Variants in GOLPH3 observed in about 807,000 individuals in gnomAD.
The protein encoded by GOLPH3 is coat protein GPP34.
In GOLPH3, 14 loss-of-function variants were observed where a neutral mutation model predicts 28.5. That is an observed-to-expected ratio of 0.49 (90% CI 0.32 to 0.77). The LOEUF is 0.77. Ranked by LOEUF, GOLPH3 falls within the 30% of genes least tolerant of loss-of-function variation. GOLPH3 has a pLI of 0.03. For missense variants in GOLPH3, 350 were observed against 393.7 expected (o/e 0.89, Z 0.94); for synonymous variants, 158 against 159.2 (o/e 0.99, Z 0.06).
At position 32,132,213 on chromosome 5, in the gene GOLPH3, A is replaced by G. The variant is rs1033542268; in HGVS notation, c.472+3359T>C. ...CTCGACTTGCCTCAAACTTATGTAT[A>G]CTAATTTTAAATTATTAGAAAATGT... On this transcript the variant is annotated intron_variant, in intron 3 of 3. Transcript: ENST00000265070. Among the ~76,000 whole-genome samples, 5 of 152,208 alleles carry G rather than the reference A, an allele frequency of 3.3e-5. No individual in the cohort carries two copies. The East Asian group carries it at 7.7e-4, about 23-fold the overall frequency.
intron 1 of GOLPH3, among the ~76,000 whole-genome samples, chr5:32,170,655 A>C (rs1746812034): frequency 6.6e-6 from 1 of 152,140 alleles, no homozygotes; most frequent in Non-Finnish European, 1.5e-5. Flanking sequence ...TAGAGTGTAA[A>C]GACATGATGA....
intron 1 of GOLPH3, among the ~76,000 whole-genome samples, chr5:32,168,832 C>T (rs183572259): frequency 2.4e-4 from 37 of 152,252 alleles, no homozygotes; most frequent in African/African-American, 7.9e-4. Context: ...TAGAGCCGGT[C>T]GCAGTAATCC....
chr5:32,141,753 C>G (rs577396685), intron 2 of GOLPH3, among the ~76,000 whole-genome samples: 2 of 152,166 alleles, frequency 1.3e-5, no homozygotes, highest in Non-Finnish European at 2.9e-5. Flanking sequence ...AGGCGCGCGC[C>G]GCCACGCCTG....
At chr5:32,143,711 A>T in intron 2 of GOLPH3, 38 bp downstream of exon 2, 2 of 1,567,234 alleles carry the variant, frequency 1.3e-6, no homozygotes, top group Non-Finnish European at 1.7e-6. Flanking sequence ...AAGCAGTACA[A>T]CCTCTTTAAA....
At position 32,143,527 on chromosome 5, in the gene GOLPH3, T is replaced by G. The variant is rs186928811; in HGVS notation, c.357+222A>C. On this transcript the variant is annotated intron_variant, in intron 2 of 3. Transcript: ENST00000265070. The stretch of plus-strand genomic sequence containing the variant: ...AAATGAAGTCTAGAATCTTTCTGAA[T>G]TTGTAAGATCCAGTGGCCGGTTACC... Among the ~76,000 whole-genome samples the G allele has an allele frequency of 3.4e-3, 521 of 152,232 alleles. 4 individuals are homozygous for G. The highest frequency in any genetic ancestry group is 0.012 in the African/African-American group (508 of 41,556).
At chr5:32,151,820 A>G (rs1425399566) in intron 1 of GOLPH3, among the ~76,000 whole-genome samples, 4 of 152,224 alleles carry the variant, frequency 2.6e-5, no homozygotes, top group Non-Finnish European at 4.4e-5. Context: ...GCTACAAAAC[A>G]TGGATGAACT....
chr5:32,163,983 TAC>T (rs1561683952), intron 1 of GOLPH3, among the ~76,000 whole-genome samples: 4 of 152,154 alleles, frequency 2.6e-5, no homozygotes, highest in African/African-American at 4.8e-5. Context: ...AACTTTTACA[TAC>T]AGTTTCTTAA....
chr5:32,143,124 T>C (rs1404939297), intron 2 of GOLPH3, among the ~76,000 whole-genome samples: 1 of 152,250 alleles, frequency 6.6e-6, no homozygotes, highest in African/African-American at 2.4e-5. Flanking sequence ...TCTTCTGCCT[T>C]GGGATCCTGT....
chr5:32,170,551 C>G (rs1746809498), intron 1 of GOLPH3, among the ~76,000 whole-genome samples: 1 of 152,128 alleles, frequency 6.6e-6, no homozygotes, highest in African/African-American at 2.4e-5. Context: ...ACAGCAATTC[C>G]TGCCTCCTAA....
intron 1 of GOLPH3, among the ~76,000 whole-genome samples, chr5:32,149,986 G>GAAA (rs752842342): frequency 7.6e-6 from 1 of 130,800 alleles, no homozygotes; most frequent in Admixed American, 7.7e-5. Context: ...ACTGTCTCAA[G>GAAA]AAAAAAAAAA....
intron 1 of GOLPH3, among the ~76,000 whole-genome samples, chr5:32,159,132 G>C (rs865991729): frequency 2.0e-5 from 3 of 152,186 alleles, no homozygotes; most frequent in Non-Finnish European, 2.9e-5. Context: ...TTTAATGCAT[G>C]ATCTAGGTGT....
intron 1 of GOLPH3, among the ~76,000 whole-genome samples, chr5:32,170,711 G>A (rs1438205969): frequency 1.3e-5 from 2 of 152,026 alleles, no homozygotes; most frequent in Non-Finnish European, 2.9e-5. Context: ...ACTCAGGGCG[G>A]ATCACTTGAG....
At position 32,126,111 on chromosome 5, in the gene GOLPH3, T is replaced by A; in HGVS notation, c.*101A>T. The A allele has an allele frequency of 8.1e-7, 1 of 1,227,936 alleles. No individual in the cohort carries two copies. Among genetic ancestry groups the A allele is most frequent in the East Asian group, 2.3e-5 (1 of 42,580 alleles). 76.1% of individuals were successfully genotyped at this position (1,227,936 alleles called of 1,614,324 possible). A position where few individuals can be genotyped will look rare whatever the true frequency, so the allele number is the denominator to read the frequency against. ...CACCATTTTGTAAAACAGAAGCCAA[T>A]TATAGTGTGGGAAAGTACAAATTAC... On this transcript the variant is annotated 3_prime_UTR_variant, in exon 4 of 4. Transcript: ENST00000265070.
At chr5:32,167,640 A>G (rs2111897629) in intron 1 of GOLPH3, among the ~76,000 whole-genome samples, 1 of 152,288 alleles carries the variant, frequency 6.6e-6, no homozygotes, top group East Asian at 1.9e-4. Flanking sequence ...TCAACAGTAT[A>G]AAATCTTGTT....
At chr5:32,145,430 G>A (rs1421531135) in intron 1 of GOLPH3, among the ~76,000 whole-genome samples, 1 of 152,176 alleles carries the variant, frequency 6.6e-6, no homozygotes, top group South Asian at 2.1e-4. Context: ...TAAAATGCGT[G>A]GCTTCTGTGT....
At chr5:32,146,365 T>G (rs1281760543) in intron 1 of GOLPH3, among the ~76,000 whole-genome samples, 6 of 151,936 alleles carry the variant, frequency 3.9e-5, no homozygotes, top group Admixed American at 3.9e-4. Context: ...ACTGTAGTCA[T>G]AATTAGTTCC....
chr5:32,130,267 G>C (rs978980128), intron 3 of GOLPH3, among the ~76,000 whole-genome samples: 7 of 152,156 alleles, frequency 4.6e-5, no homozygotes, highest in Non-Finnish European at 1.0e-4. Context: ...AAGACACTAG[G>C]CTGGAATTGG....
chr5:32,162,869 G>A (rs1369277235), intron 1 of GOLPH3, among the ~76,000 whole-genome samples: 8 of 152,120 alleles, frequency 5.3e-5, no homozygotes, highest in African/African-American at 1.9e-4. Flanking sequence ...ACGAGGTCAG[G>A]AGATCAAGAT....
At chr5:32,143,196 T>A (rs1215192559) in intron 2 of GOLPH3, among the ~76,000 whole-genome samples, 1 of 152,062 alleles carries the variant, frequency 6.6e-6, no homozygotes, top group African/African-American at 2.4e-5. Context: ...CCACTCAGGG[T>A]TGAATGGATT....
Sources: allele counts gnomAD v4.1 joint callset (sites outside exome capture counted in the v4.1 genomes callset), GRCh38; gene constraint gnomAD v4.1.1; transcripts MANE v1.5; gene names NCBI Gene and HGNC (gene_info 2026-07-23, HGNC 2026-07-21).